Variants in ROBO2 observed in about 807,000 individuals in gnomAD.
The protein encoded by ROBO2 is roundabout guidance receptor 2.
A neutral mutation model predicts 160.8 loss-of-function variants in ROBO2; 53 were observed. The ratio of observed to expected loss-of-function variants is 0.33; its 90% CI spans 0.26 to 0.41. The LOEUF (loss-of-function observed/expected upper bound fraction) is 0.41, where lower values mean the gene tolerates loss of function less well. Ranked by LOEUF, ROBO2 falls within the 10% of genes least tolerant of loss-of-function variation. The pLI is 1.00. For synonymous variants in ROBO2, 664 were observed against 611.7 expected (o/e 1.09, Z -1.26); for missense variants, 1,577 against 1,722.4 (o/e 0.92, Z 1.49).
chr3:77,143,211 A>G (rs975472413), intron 2 of ROBO2, among the ~76,000 whole-genome samples: 14 of 100,790 alleles, frequency 1.4e-4, no homozygotes, highest in South Asian at 7.2e-4. Flanking sequence ...TTTTAGATGG[A>G]GTCTGGCTCT....
chr3:77,068,591 A>T (rs918678506), intron 1 of ROBO2, among the ~76,000 whole-genome samples: 1 of 152,076 alleles, frequency 6.6e-6, no homozygotes, highest in Admixed American at 6.6e-5. Context: ...ATTCACCCCA[A>T]AGTATGATAT....
At chr3:76,911,016 T>C (rs1247660345) in intron 2 of ROBO2, among the ~76,000 whole-genome samples, 1 of 152,194 alleles carries the variant, frequency 6.6e-6, no homozygotes, top group Non-Finnish European at 1.5e-5. Context: ...GTGTATGTGT[T>C]GGCGTGCATT....
intron 2 of ROBO2, among the ~76,000 whole-genome samples, chr3:77,393,353 T>C (rs1053764629): frequency 3.3e-5 from 5 of 151,988 alleles, no homozygotes; most frequent in Non-Finnish European, 4.4e-5. Flanking sequence ...AGTTTAGAGC[T>C]TTAGCAGCTG....
In ROBO2 at chr3:77,596,577, T is replaced by C. The variant is rs768322175; in HGVS notation, c.2727-46T>C. ...ATTGCATGAGACGAGTGTCAAAATC[T>C]TGCATTGAGCTCCATGTGTTGATTT... On this transcript the variant is annotated intron_variant, in intron 18 of 25. Coordinates refer to ENST00000461745, the Ensembl canonical transcript of ROBO2. The C allele has an allele frequency of 5.6e-6, 9 of 1,612,680 alleles. No homozygotes were observed. The South Asian group carries it at 9.9e-5, about 18-fold the overall frequency.
At chr3:77,339,919 T>C (rs946985032) in intron 2 of ROBO2, among the ~76,000 whole-genome samples, 7 of 152,102 alleles carry the variant, frequency 4.6e-5, no homozygotes, top group Non-Finnish European at 8.8e-5. Context: ...CTTTTTATTG[T>C]TGATGCACAT....
intron 2 of ROBO2, among the ~76,000 whole-genome samples, chr3:77,180,607 A>G (rs1422574593): frequency 6.6e-6 from 1 of 150,760 alleles, no homozygotes; most frequent in Non-Finnish European, 1.5e-5. Flanking sequence ...TCTATATACC[A>G]TATTGGTTTA....
rs1439597967 is a variant in ROBO2, at chr3:77,257,885, GATA to G, written c.388+159552_388+159554del. On this transcript the variant is annotated intron_variant, in intron 2 of 25. Coordinates refer to ENST00000461745, the Ensembl canonical transcript of ROBO2. Reference sequence around the variant, plus strand: ...GTAATAACAAGGAACAAAACCTTTTGATAATAATATGTCAGGATATGTCATTTT... The same window carrying G: ...GTAATAACAAGGAACAAAACCTTTTGATAATATGTCAGGATATGTCATTTT... Among the ~76,000 whole-genome samples, 4 of 152,274 alleles carry G rather than the reference GATA, an allele frequency of 2.6e-5. No homozygotes were observed. In the East Asian group the frequency reaches 5.8e-4, roughly 22 times the overall value.
intron 2 of ROBO2, among the ~76,000 whole-genome samples, chr3:76,306,135 T>A (rs2071333121): frequency 6.6e-6 from 1 of 152,188 alleles, no homozygotes; most frequent in South Asian, 2.1e-4. Flanking sequence ...AGGTACCTAG[T>A]GACCAAACTC....
intron 2 of ROBO2, among the ~76,000 whole-genome samples, chr3:76,533,963 T>G (rs566154221): frequency 2.8e-4 from 42 of 152,282 alleles, no homozygotes; most frequent in African/African-American, 8.7e-4. Flanking sequence ...TGCAGATTTC[T>G]TGGCTCCTGC....
intron 1 of ROBO2, among the ~76,000 whole-genome samples, chr3:75,907,442 G>A (rs1263260720): frequency 6.6e-6 from 1 of 152,006 alleles, no homozygotes; most frequent in Non-Finnish European, 1.5e-5. Flanking sequence ...AATTTACCAG[G>A]GGAAAACCCT....
rs866305774 is a variant in ROBO2 at position 77,482,423 on chromosome 3, C to G, written c.667+1204C>G. Among the ~76,000 whole-genome samples, 9 of 152,168 alleles carry G rather than the reference C, an allele frequency of 5.9e-5. No individual in the cohort carries two copies. The South Asian group carries it at 8.3e-4, about 14-fold the overall frequency. On this transcript the variant is annotated intron_variant, in intron 4 of 25. Coordinates refer to ENST00000461745, the Ensembl canonical transcript of ROBO2. Reference sequence around the variant, plus strand: ...CTGTATTATGACTTCCACTATATTTCAAGAGTTAAGATTGTGCTTTGTGCA... The same window carrying G: ...CTGTATTATGACTTCCACTATATTTGAAGAGTTAAGATTGTGCTTTGTGCA...
intron 2 of ROBO2, among the ~76,000 whole-genome samples, chr3:76,967,669 T>G (rs2059373293): frequency 6.6e-6 from 1 of 151,524 alleles, no homozygotes. Flanking sequence ...CTACAGGCAC[T>G]CTCTACCACA....
At chr3:77,369,579 A>G (rs2071443701) in intron 2 of ROBO2, among the ~76,000 whole-genome samples, 1 of 152,122 alleles carries the variant, frequency 6.6e-6, no homozygotes, top group East Asian at 1.9e-4. Context: ...TGGTAGCTGC[A>G]TTTTTGTAAT....
intron 2 of ROBO2, among the ~76,000 whole-genome samples, chr3:77,333,715 C>A (rs1369352277): frequency 6.6e-6 from 1 of 152,108 alleles, no homozygotes; most frequent in Non-Finnish European, 1.5e-5. Flanking sequence ...TTATGCAAAA[C>A]AAATACTTAA....
intron 2 of ROBO2, among the ~76,000 whole-genome samples, chr3:76,840,100 A>C (rs576880441): frequency 6.7e-6 from 1 of 149,028 alleles, no homozygotes; most frequent in Non-Finnish European, 1.5e-5. Flanking sequence ...AATTTTGTTT[A>C]TTTTTTCAAA....
chr3:76,704,059 C>CT (rs1045885849), intron 2 of ROBO2, among the ~76,000 whole-genome samples: 11 of 151,110 alleles, frequency 7.3e-5, no homozygotes, highest in African/African-American at 1.9e-4. Context: ...CATCATTATA[C>CT]TTTTTTCTGA....
chr3:76,038,788 G>GTA (rs1553725291), intron 2 of ROBO2, among the ~76,000 whole-genome samples: 1 of 46,044 alleles, frequency 2.2e-5, no homozygotes, highest in Non-Finnish European at 3.8e-5. Context: ...GTGTGTGTGT[G>GTA]TGTATGTATG....
intron 2 of ROBO2, among the ~76,000 whole-genome samples, chr3:76,718,977 GC>G (rs1490720796): frequency 6.6e-6 from 1 of 152,048 alleles, no homozygotes; most frequent in Non-Finnish European, 1.5e-5. Flanking sequence ...TATTTTTCAA[GC>G]TTTGGTTCTT....
At chr3:77,572,693 G>A (rs760194570) in intron 13 of ROBO2, among the ~76,000 whole-genome samples, 20 of 150,658 alleles carry the variant, frequency 1.3e-4, no homozygotes, top group Middle Eastern at 3.4e-3. Context: ...GAGTTTTCTC[G>A]TTTGGACATT....
Sources: gnomAD v4.1 joint callset for allele counts (sites outside exome capture counted in the v4.1 genomes callset) on GRCh38, gnomAD v4.1.1 for gene constraint, MANE v1.5 for transcripts, NCBI Gene and HGNC (gene_info 2026-07-23, HGNC 2026-07-21) for gene names.